Variants in GAPVD1 observed in about 807,000 individuals in gnomAD.
GAPVD1 encodes the protein GTPase activating protein and VPS9 domains 1.
GAPVD1 carries 35 observed loss-of-function variants against 155.5 expected under a neutral mutation model. The ratio of observed to expected loss-of-function variants is 0.23; its 90% CI spans 0.17 to 0.30. The LOEUF is 0.30. Among genes scored for constraint, GAPVD1 ranks in the 10% least tolerant of loss-of-function variants. GAPVD1 has a pLI of 1.00. For missense variants in GAPVD1, 1,429 were observed against 1,775.7 expected, an observed-to-expected ratio of 0.80 and a Z score of 3.51; for synonymous variants, 636 against 619.7, an observed-to-expected ratio of 1.03 and a Z score of -0.39.
At chr9:125,312,390 A>T (rs1423139001) in intron 8 of GAPVD1, 62 bp from the exon 9 acceptor site, 5 of 1,020,246 alleles carry the variant, frequency 4.9e-6, no homozygotes, top group Non-Finnish European at 7.2e-6. Context: ...ATTCATATTT[A>T]GCATACCATT....
intron 12 of GAPVD1, among the ~76,000 whole-genome samples, chr9:125,328,764 C>G (rs1242544333): frequency 6.6e-6 from 1 of 151,756 alleles, no homozygotes; most frequent in Admixed American, 6.6e-5. Context: ...TCCTCACTTC[C>G]CAGTAGGGGC....
rs765984218 is a variant in GAPVD1, at chr9:125,350,818, G to T, written c.3515G>T (p.Arg1172Leu). 3.1e-6 allele frequency: 5 copies of T among 1,613,630 alleles called. No individual in the cohort carries two copies. The highest frequency in any genetic ancestry group is 8.5e-7 in the Non-Finnish European group (1 of 1,179,578). ...CAAGAAACAATGCGCTGTGTGTGCC[G>T]TTTTGATAATAGGACTTGTAGGAAA... is the stretch of plus-strand genomic sequence containing the variant. ...QLQETMRCVC[R>L]FDNRTCRKLL... The change falls in exon 23 of 28, where the codon CGT becomes CTT. Residue 1172 changes from arginine (R) to leucine (L), a missense_variant. Coordinates refer to ENST00000297933, the MANE Select transcript of GAPVD1 (RefSeq NM_001282680.3).
chr9:125,298,765 G>A, intron 3 of GAPVD1, 125 bp from the exon 4 acceptor site: 1 of 521,864 alleles, frequency 1.9e-6, no homozygotes, highest in Non-Finnish European at 3.4e-6. Flanking sequence ...TGGGATTATA[G>A]GCATGAGCCA....
In GAPVD1 at chr9:125,275,353, G is replaced by A. The variant is rs111765788; in HGVS notation, c.-150+6369G>A. Among the ~76,000 whole-genome samples the A allele has an allele frequency of 2.0e-5, 3 of 152,338 alleles. 1 individual carries two copies. Among genetic ancestry groups the A allele is most frequent in the African/African-American group, 4.8e-5 (2 of 41,588 alleles). On this transcript the variant is annotated intron_variant, in intron 2 of 27. Transcript: ENST00000297933. ...GGCCTCCCAAAATGCTGGGATTACA[G>A]GCGTAAGCCACCACACCCAACCTAA... is the stretch of plus-strand genomic sequence containing the variant.
At chr9:125,340,151 G>T (rs969363746) in intron 17 of GAPVD1, among the ~76,000 whole-genome samples, 1 of 152,124 alleles carries the variant, frequency 6.6e-6, no homozygotes, top group African/African-American at 2.4e-5. Flanking sequence ...CTCCCAAGTT[G>T]CTGGGATTAT....
intron 1 of GAPVD1, chr9:125,264,239 G>C: frequency 3.4e-6 from 2 of 587,434 alleles, no homozygotes; most frequent in Non-Finnish European, 6.1e-6. Context: ...CTGTTGCCTA[G>C]GCTGGAGTGC....
At position 125,363,222 on chromosome 9, in the gene GAPVD1, C is replaced by T. The variant is rs1851187896; in HGVS notation, c.*476C>T. 6.6e-6 allele frequency: 1 copy of T among 152,080 alleles called. No individual in the cohort carries two copies. Among genetic ancestry groups the T allele is most frequent in the Non-Finnish European group, 1.5e-5 (1 of 68,032 alleles). 9.4% of individuals were successfully genotyped at this position (152,080 alleles called of 1,614,324 possible). A position where few individuals can be genotyped will look rare whatever the true frequency, so the allele number is the denominator to read the frequency against. ...GCGTTAGTGGCATTATCTATAAATA[C>T]ACTCACCTAAATTGAAAGCTAAGAA... On this transcript the variant is annotated 3_prime_UTR_variant, in exon 28 of 28. Coordinates refer to ENST00000297933, the MANE Select transcript of GAPVD1 (RefSeq NM_001282680.3).
chr9:125,331,900 T>C, intron 13 of GAPVD1, 26 bp from the exon 14 acceptor site: 1 of 1,612,308 alleles, frequency 6.2e-7, no homozygotes, highest in Non-Finnish European at 8.5e-7. Flanking sequence ...ATCACAAATG[T>C]AACATACCTC....
At position 125,264,853 on chromosome 9, in the gene GAPVD1, G is replaced by A. The variant is rs550874754; in HGVS notation, c.-199+2894G>A. ...CCTGCCTCAGCCTCCCAGGTAGCTG[G>A]GACTACAGGTGCTGCCACCATGCCT... On this transcript the variant is annotated intron_variant, in intron 1 of 27. Transcript: ENST00000297933. 2.0e-5 allele frequency among the ~76,000 whole-genome samples: 3 copies of A among 151,888 alleles called. No homozygotes were observed. The South Asian group carries it at 6.3e-4, about 32-fold the overall frequency.
intron 2 of GAPVD1, among the ~76,000 whole-genome samples, chr9:125,269,287 T>C (rs1419975570): frequency 6.6e-6 from 1 of 152,146 alleles, no homozygotes; most frequent in African/African-American, 2.4e-5. Flanking sequence ...TTCAAATGTT[T>C]AGTTGAGTGT....
chr9:125,285,119 A>G (rs1457396899), intron 2 of GAPVD1, among the ~76,000 whole-genome samples: 1 of 152,218 alleles, frequency 6.6e-6, no homozygotes, highest in Non-Finnish European at 1.5e-5. Flanking sequence ...TGTGGGCCAC[A>G]TGGACTGTGG....
At chr9:125,311,545 C>T (rs1371942612) in intron 8 of GAPVD1, among the ~76,000 whole-genome samples, 3 of 152,074 alleles carry the variant, frequency 2.0e-5, no homozygotes, top group Non-Finnish European at 2.9e-5. Flanking sequence ...TGCTTGAACC[C>T]AGGAGGCGGT....
intron 2 of GAPVD1, among the ~76,000 whole-genome samples, chr9:125,286,744 A>G (rs1213222376): frequency 6.6e-6 from 1 of 152,106 alleles, no homozygotes; most frequent in South Asian, 2.1e-4. Flanking sequence ...AAGACAGGAT[A>G]TAGACATTAA....
chr9:125,293,852 T>TTTTATATATA (rs1839178964), intron 2 of GAPVD1, among the ~76,000 whole-genome samples: 4 of 35,192 alleles, frequency 1.1e-4, no homozygotes, highest in Non-Finnish European at 1.3e-4. Context: ...AAAATATATT[T>TTTTATATATA]TATATATATA....
chr9:125,358,538 C>T (rs1007167952), intron 25 of GAPVD1, among the ~76,000 whole-genome samples: 4 of 152,102 alleles, frequency 2.6e-5, no homozygotes, highest in African/African-American at 4.8e-5. Flanking sequence ...ATAGGATCCT[C>T]GGGGTGTGGG....
chr9:125,284,037 C>A (rs1326010063), intron 2 of GAPVD1, among the ~76,000 whole-genome samples: 3 of 151,846 alleles, frequency 2.0e-5, no homozygotes, highest in Admixed American at 6.6e-5. Context: ...CCATGCCTGG[C>A]TAATTTTTTT....
intron 2 of GAPVD1, among the ~76,000 whole-genome samples, chr9:125,280,661 C>T (rs4279698): frequency 0.49 from 73,320 of 150,270 alleles, 18,057 homozygotes; most frequent in Middle Eastern, 0.58. Flanking sequence ...CTGCAAACTC[C>T]GCCTCCTGGG....
chr9:125,298,479 TA>T (rs1022306329), intron 3 of GAPVD1, among the ~76,000 whole-genome samples: 3 of 132,924 alleles, frequency 2.3e-5, no homozygotes, highest in African/African-American at 8.8e-5. Context: ...AAATGTAACC[TA>T]ATTTTTTTTT....
At chr9:125,288,270 C>G (rs1303852209) in intron 2 of GAPVD1, among the ~76,000 whole-genome samples, 1 of 152,008 alleles carries the variant, frequency 6.6e-6, no homozygotes, top group Non-Finnish European at 1.5e-5. Context: ...CACCACCACA[C>G]CTGGCTCATT....
Sources: gnomAD v4.1 joint callset for allele counts (sites outside exome capture counted in the v4.1 genomes callset) on GRCh38, gnomAD v4.1.1 for gene constraint, MANE v1.5 for transcripts, NCBI Gene and HGNC (gene_info 2026-07-23, HGNC 2026-07-21) for gene names.